ZSWIM6: variants seen among roughly 807,000 people sequenced by gnomAD.
ZSWIM6 encodes the protein zinc finger SWIM-type containing 6, also known as zinc finger SWIM domain-containing protein 6.
Under a neutral mutation model 113.2 loss-of-function variants are expected in ZSWIM6, and 9 were observed. The observed-to-expected ratio is 0.08, with a 90% CI of 0.05 to 0.14. ZSWIM6 has a LOEUF of 0.14. Ranked by LOEUF, ZSWIM6 falls within the 10% of genes least tolerant of loss-of-function variation. The pLI is 1.00. For synonymous variants in ZSWIM6, 611 were observed against 606.5 expected (o/e 1.01, Z -0.11); for missense variants, 1,162 against 1,552.2 (o/e 0.75, Z 4.22).
At position 61,535,131 on chromosome 5, in the gene ZSWIM6, T is replaced by C. The variant is rs1197499214; in HGVS notation, c.2246-353T>C. On this transcript the variant is annotated intron_variant, in intron 9 of 13. Coordinates refer to ENST00000252744, the MANE Select transcript of ZSWIM6 (RefSeq NM_020928.2). ...TCATCTGTGCATTTACAAATCAAGA[T>C]GCTCTGATGCCACACATTGAGAGAG... Among the ~76,000 whole-genome samples the C allele has an allele frequency of 3.9e-5, 6 of 152,166 alleles. No homozygotes were observed. In the East Asian group the frequency reaches 7.7e-4, roughly 20 times the overall value.
intron 1 of ZSWIM6, among the ~76,000 whole-genome samples, chr5:61,450,798 C>T (rs548593962): frequency 2.8e-4 from 43 of 152,124 alleles, no homozygotes; most frequent in African/African-American, 9.9e-4. Context: ...GGGATAAGCC[C>T]GTGCTCAATG....
chr5:61,332,892 T>A lies in ZSWIM6; in HGVS notation c.620T>A (p.Phe207Tyr). Residue 207 changes from phenylalanine (F) to tyrosine (Y), a missense_variant, in exon 1 of 14, where the codon TTC becomes TAC. By Grantham distance (22) the Phe-to-Tyr change is conservative. Coordinates refer to ENST00000252744, the MANE Select transcript of ZSWIM6 (RefSeq NM_020928.2). ...GGCGGCGACGAGACGCGGCTGCCTT[T>A]CCGCCGGGGCATCGCGCTGTTGGAA... is the stretch of plus-strand genomic sequence containing the variant. ...ADGGDETRLP[F>Y]RRGIALLESG... The A allele has an allele frequency of 7.5e-7, 1 of 1,334,424 alleles. No homozygotes were observed. The highest frequency in any genetic ancestry group is 9.7e-7 in the Non-Finnish European group (1 of 1,028,418). The allele number at this position is 1,334,424 out of a possible 1,614,324, so 82.7% of individuals were successfully genotyped here.
At chr5:61,337,168 G>T (rs770604854) in intron 1 of ZSWIM6, among the ~76,000 whole-genome samples, 4 of 151,814 alleles carry the variant, frequency 2.6e-5, no homozygotes. Flanking sequence ...TAATCCCGCC[G>T]CTCGGGAGGC....
At chr5:61,358,642 G>C (rs956666998) in intron 1 of ZSWIM6, among the ~76,000 whole-genome samples, 4 of 152,174 alleles carry the variant, frequency 2.6e-5, no homozygotes, top group African/African-American at 7.2e-5. Flanking sequence ...TTGTAAATAG[G>C]TGAGGAACTG....
intron 1 of ZSWIM6, among the ~76,000 whole-genome samples, chr5:61,427,725 C>T (rs2112131743): frequency 6.6e-6 from 1 of 152,154 alleles, no homozygotes; most frequent in Non-Finnish European, 1.5e-5. Flanking sequence ...AAGTGATCCT[C>T]CTGCTTTAGC....
chr5:61,448,658 G>A (rs903897278), intron 1 of ZSWIM6, among the ~76,000 whole-genome samples: 2 of 152,138 alleles, frequency 1.3e-5, no homozygotes, highest in African/African-American at 4.8e-5. Context: ...CAACCTGAGA[G>A]AGACAGACTG....
chr5:61,362,630 T>G (rs1452291987), intron 1 of ZSWIM6, among the ~76,000 whole-genome samples: 1 of 152,214 alleles, frequency 6.6e-6, no homozygotes, highest in Admixed American at 6.5e-5. Flanking sequence ...ATCTGCCCTC[T>G]AAATGTTGGT....
chr5:61,350,741 T>C (rs1474816695), intron 1 of ZSWIM6, among the ~76,000 whole-genome samples: 1 of 152,210 alleles, frequency 6.6e-6, no homozygotes, highest in Non-Finnish European at 1.5e-5. Flanking sequence ...GGAGGCGTCT[T>C]GTCTTACTAT....
At chr5:61,396,115 AC>A (rs1387373527) in intron 1 of ZSWIM6, among the ~76,000 whole-genome samples, 1 of 152,202 alleles carries the variant, frequency 6.6e-6, no homozygotes, top group African/African-American at 2.4e-5. Flanking sequence ...GCTTCTACTT[AC>A]ACCAGCACTG....
At chr5:61,345,059 G>A (rs912876699) in intron 1 of ZSWIM6, among the ~76,000 whole-genome samples, 1 of 151,948 alleles carries the variant, frequency 6.6e-6, no homozygotes, top group Non-Finnish European at 1.5e-5. Context: ...TTCATTTTGC[G>A]GTGCCACCAA....
At chr5:61,337,889 C>T (rs191039780) in intron 1 of ZSWIM6, among the ~76,000 whole-genome samples, 1 of 152,062 alleles carries the variant, frequency 6.6e-6, no homozygotes, top group East Asian at 1.9e-4. Context: ...AAACTAGAGG[C>T]ATATATTTTT....
At chr5:61,529,514 A>G (rs1361195593) in intron 7 of ZSWIM6, among the ~76,000 whole-genome samples, 2 of 152,340 alleles carry the variant, frequency 1.3e-5, no homozygotes, top group East Asian at 3.9e-4. Context: ...TTCATGTGGG[A>G]ATACAAGTCT....
intron 2 of ZSWIM6, among the ~76,000 whole-genome samples, chr5:61,484,852 A>C (rs1747972922): frequency 6.6e-6 from 1 of 152,188 alleles, no homozygotes; most frequent in Non-Finnish European, 1.5e-5. Context: ...GTTCATCGGC[A>C]GAAAAAGAGA....
intron 1 of ZSWIM6, among the ~76,000 whole-genome samples, chr5:61,402,522 G>GTTTT (rs201557058): frequency 1.4e-5 from 2 of 147,866 alleles, no homozygotes; most frequent in Non-Finnish European, 1.5e-5. Flanking sequence ...ATTCTAGTTT[G>GTTTT]TTTTTTTTTT....
At chr5:61,518,763 C>A (rs1223572981) in intron 4 of ZSWIM6, among the ~76,000 whole-genome samples, 3 of 152,226 alleles carry the variant, frequency 2.0e-5, no homozygotes, top group Admixed American at 6.5e-5. Flanking sequence ...ATGATAGTTT[C>A]TTTTGCTGTG....
rs1252722697 is a variant in ZSWIM6, at chr5:61,472,658, CCTTT to C, written c.677-13_677-10del. 1.1e-5 allele frequency: 16 copies of C among 1,465,748 alleles called. No homozygotes were observed. The highest frequency in any genetic ancestry group is 1.0e-4 in the East Asian group (4 of 40,028). 90.8% of individuals were successfully genotyped at this position (1,465,748 alleles called of 1,614,324 possible). A position where few individuals can be genotyped will look rare whatever the true frequency, so the allele number is the denominator to read the frequency against. ...ATCTGAATGCAGAAGCTAAACCCTC[CCTTT>C]CTTTCTTTCACCCTCAAGGTTTCCA... On this transcript the variant is annotated intron_variant, in intron 1 of 13. Coordinates refer to ENST00000252744, the MANE Select transcript of ZSWIM6 (RefSeq NM_020928.2). The surrounding 1 kb of genome is among the most constrained non-coding windows in gnomAD (Gnocchi z 4.1).
At chr5:61,389,417 TGGTGGTG>T (rs1284467523) in intron 1 of ZSWIM6, among the ~76,000 whole-genome samples, 1 of 151,282 alleles carries the variant, frequency 6.6e-6, no homozygotes, top group Non-Finnish European at 1.5e-5. Flanking sequence ...TAGCTGGGCA[TGGTGGTG>T]GGTGCCTGTA....
chr5:61,396,412 G>A (rs149379933), intron 1 of ZSWIM6, among the ~76,000 whole-genome samples: 1 of 151,448 alleles, frequency 6.6e-6, no homozygotes, highest in Non-Finnish European at 1.5e-5. Flanking sequence ...CACACCTGTA[G>A]TCCCAGCTAC....
intron 1 of ZSWIM6, among the ~76,000 whole-genome samples, chr5:61,342,275 TAGTA>T (rs1029416956): frequency 2.6e-5 from 4 of 152,192 alleles, no homozygotes; most frequent in East Asian, 1.9e-4. Flanking sequence ...CATTTACTAA[TAGTA>T]AGAGTAATAA....
Sources: gnomAD v4.1 joint callset for allele counts (sites outside exome capture counted in the v4.1 genomes callset) on GRCh38, gnomAD v4.1.1 for gene constraint, Gnocchi (gnomAD v3.1) non-coding constraint, MANE v1.5 for transcripts, NCBI Gene and HGNC (gene_info 2026-07-23, HGNC 2026-07-21) for gene names.